Variants in NEO1 observed in about 807,000 individuals in gnomAD.
The protein encoded by NEO1 is neogenin 1.
A neutral mutation model predicts 159.7 loss-of-function variants in NEO1; 63 were observed. The ratio of observed to expected loss-of-function variants is 0.39; its 90% CI spans 0.32 to 0.49. The LOEUF (loss-of-function observed/expected upper bound fraction) is 0.49, where lower values mean the gene tolerates loss of function less well. Ranked by LOEUF, NEO1 falls within the 20% of genes least tolerant of loss-of-function variation. NEO1 has a pLI of 0.85. For synonymous variants in NEO1, 633 were observed against 662.0 expected, an observed-to-expected ratio of 0.96 and a Z score of 0.67; for missense variants, 1,615 against 1,831.0, an observed-to-expected ratio of 0.88 and a Z score of 2.15.
At chr15:73,086,290 C>A (rs1335975775) in intron 1 of NEO1, among the ~76,000 whole-genome samples, 4 of 152,164 alleles carry the variant, frequency 2.6e-5, no homozygotes, top group Non-Finnish European at 5.9e-5. Context: ...ATCTATATAT[C>A]TGTCCTTTTG....
rs148384408 is a variant in NEO1 at position 73,086,849 on chromosome 15, T to C, written c.131-29691T>C. ...TTTTGTATTTTTAGTAGAGATGGGG[T>C]TTCACCATGTTGGCCAGGCTGGTCT... On this transcript the variant is annotated intron_variant, in intron 1 of 28. Coordinates refer to ENST00000261908, the MANE Select transcript of NEO1 (RefSeq NM_002499.4). 0.018 allele frequency among the ~76,000 whole-genome samples: 2,691 copies of C among 152,068 alleles called. 156 individuals are homozygous for C. In the East Asian group the frequency reaches 0.19, roughly 11 times the overall value.
intron 15 of NEO1, among the ~76,000 whole-genome samples, chr15:73,261,965 C>T (rs1719036635): frequency 6.6e-6 from 1 of 152,174 alleles, no homozygotes; most frequent in East Asian, 1.9e-4. Context: ...AGAAATAGAT[C>T]CATATGTATA....
At chr15:73,137,222 T>A (rs994274511) in intron 5 of NEO1, among the ~76,000 whole-genome samples, 1 of 152,162 alleles carries the variant, frequency 6.6e-6, no homozygotes, top group Non-Finnish European at 1.5e-5. Flanking sequence ...GTGAATAATG[T>A]ATGCTATCTC....
intron 5 of NEO1, among the ~76,000 whole-genome samples, chr15:73,168,061 A>G (rs977871090): frequency 6.6e-6 from 1 of 152,156 alleles, no homozygotes; most frequent in African/African-American, 2.4e-5. Context: ...AAATTCTACT[A>G]ATATGCATTG....
intron 5 of NEO1, among the ~76,000 whole-genome samples, chr15:73,165,272 C>G (rs1016537276): frequency 6.6e-6 from 1 of 152,074 alleles, no homozygotes; most frequent in African/African-American, 2.4e-5. Flanking sequence ...AAGGAGGGTA[C>G]TGGTGTTGAC....
intron 1 of NEO1, 87 bp from the exon 2 acceptor site, chr15:73,116,452 TA>T (rs2071324789): frequency 9.1e-7 from 1 of 1,096,674 alleles, no homozygotes; most frequent in African/African-American, 1.6e-5. Flanking sequence ...CAACAGTTAA[TA>T]ATTTTTGGAC....
intron 1 of NEO1, among the ~76,000 whole-genome samples, chr15:73,059,636 C>T (rs2067883007): frequency 6.6e-6 from 1 of 152,140 alleles, no homozygotes; most frequent in Non-Finnish European, 1.5e-5. Context: ...GAGAAAGTGC[C>T]ATTACTGCTG....
intron 26 of NEO1, among the ~76,000 whole-genome samples, chr15:73,297,495 T>A (rs971920092): frequency 1.3e-5 from 2 of 152,214 alleles, no homozygotes; most frequent in African/African-American, 4.8e-5. Flanking sequence ...TGTGTTATTC[T>A]CCCTCTTTTG....
chr15:73,082,693 A>G (rs892652804), intron 1 of NEO1, among the ~76,000 whole-genome samples: 1 of 152,126 alleles, frequency 6.6e-6, no homozygotes, highest in African/African-American at 2.4e-5. Flanking sequence ...CAAATGAATT[A>G]TTAATACATA....
At chr15:73,280,898 T>C (rs1596578028) in intron 22 of NEO1, among the ~76,000 whole-genome samples, 1 of 151,956 alleles carries the variant, frequency 6.6e-6, no homozygotes, top group Non-Finnish European at 1.5e-5. Flanking sequence ...ACAATGAGTG[T>C]AAGTTTGGAT....
At chr15:73,133,363 A>G (rs2031368764) in intron 4 of NEO1, among the ~76,000 whole-genome samples, 1 of 152,164 alleles carries the variant, frequency 6.6e-6, no homozygotes, top group African/African-American at 2.4e-5. Context: ...ATGCAAAGGC[A>G]TAAGAATGGT....
rs76207456 is a variant in NEO1 at position 73,165,597 on chromosome 15, A to G, written c.1016-10806A>G. ...CAGTCCTGCCAATGCACCACAGTGT[A>G]GCAATCTCTTGTGAGATATCACCTG... On this transcript the variant is annotated intron_variant, in intron 5 of 28. Coordinates refer to ENST00000261908, the MANE Select transcript of NEO1 (RefSeq NM_002499.4). Among the ~76,000 whole-genome samples the G allele has an allele frequency of 8.7e-3, 1,329 of 152,322 alleles. 22 individuals carry two copies. Among genetic ancestry groups the G allele is most frequent in the African/African-American group, 0.03 (1,232 of 41,564 alleles).
At chr15:73,244,161 C>T (rs546768339) in intron 8 of NEO1, among the ~76,000 whole-genome samples, 183 bp from the exon 9 acceptor site, 5 of 152,324 alleles carry the variant, frequency 3.3e-5, no homozygotes, top group East Asian at 3.9e-4. Context: ...TTGTCAGATA[C>T]GTATGCCCTT....
At chr15:73,283,134 C>G in intron 23 of NEO1, 23 bp downstream of exon 23, 4 of 1,612,916 alleles carry the variant, frequency 2.5e-6, no homozygotes, top group Non-Finnish European at 3.4e-6. Context: ...AGATGCACCC[C>G]TTAGATTTTT....
At chr15:73,156,686 C>T (rs2033804195) in intron 5 of NEO1, among the ~76,000 whole-genome samples, 1 of 152,200 alleles carries the variant, frequency 6.6e-6, no homozygotes, top group Admixed American at 6.5e-5. Flanking sequence ...AGGTTTTATG[C>T]CTAACCTCTG....
chr15:73,128,968 T>C (rs568339768), intron 4 of NEO1, among the ~76,000 whole-genome samples: 41 of 152,354 alleles, frequency 2.7e-4, no homozygotes, highest in South Asian at 2.1e-4. Context: ...AACTTATTTC[T>C]GCCTGTAGTT....
chr15:73,214,747 G>A (rs2037779163), intron 7 of NEO1, among the ~76,000 whole-genome samples: 5 of 152,174 alleles, frequency 3.3e-5, no homozygotes, highest in Middle Eastern at 6.8e-3. Flanking sequence ...TCTTGCTTTG[G>A]CTATGTGGGC....
At chr15:73,216,551 A>G (rs2037896803) in intron 7 of NEO1, among the ~76,000 whole-genome samples, 1 of 152,226 alleles carries the variant, frequency 6.6e-6, no homozygotes, top group South Asian at 2.1e-4. Context: ...TCCCACCAAC[A>G]GTGTAAAAGT....
chr15:73,173,989 A>G (rs901263857), intron 5 of NEO1, among the ~76,000 whole-genome samples: 3 of 151,956 alleles, frequency 2.0e-5, no homozygotes, highest in African/African-American at 4.8e-5. Flanking sequence ...AATCCCGGCT[A>G]CTTGAGAGGC....
Sources: allele counts gnomAD v4.1 joint callset (sites outside exome capture counted in the v4.1 genomes callset), GRCh38; gene constraint gnomAD v4.1.1; transcripts MANE v1.5; gene names NCBI Gene and HGNC (gene_info 2026-07-23, HGNC 2026-07-21).